NAV2: variants seen among roughly 807,000 people sequenced by gnomAD.
NAV2 encodes helicase, APC down-regulated 1.
Under a neutral mutation model 223.2 loss-of-function variants are expected in NAV2, and 54 were observed. The observed-to-expected ratio is 0.24, with a 90% CI of 0.19 to 0.30. The LOEUF (loss-of-function observed/expected upper bound fraction) is 0.30. NAV2 is among the 10% of genes least tolerant of loss of function. NAV2 has a pLI of 1.00. For missense variants in NAV2, 2,806 were observed against 3,147.5 expected, an observed-to-expected ratio of 0.89 and a Z score of 2.60; for synonymous variants, 1,279 against 1,239.3, an observed-to-expected ratio of 1.03 and a Z score of -0.67.
chr11:19,398,805 G>A (rs1849568689), intron 1 of NAV2, among the ~76,000 whole-genome samples: 1 of 152,186 alleles, frequency 6.6e-6, no homozygotes, highest in African/African-American at 2.4e-5. Context: ...GGGGATCCGG[G>A]CCCCTCCTTC....
At chr11:19,782,855 A>G (rs1337361197) in intron 1 of NAV2, among the ~76,000 whole-genome samples, 2 of 152,226 alleles carry the variant, frequency 1.3e-5, no homozygotes, top group Non-Finnish European at 2.9e-5. Flanking sequence ...TTGTTTAAAC[A>G]GGGTAACAAG....
In NAV2 at chr11:19,658,952, G is replaced by A. The variant is rs566380973; in HGVS notation, c.76-173532G>A. Among the ~76,000 whole-genome samples the A allele has an allele frequency of 4.2e-4, 64 of 152,282 alleles. 1 individual carries two copies. The South Asian group carries it at 0.013, about 30-fold the overall frequency. On this transcript the variant is annotated intron_variant, in intron 1 of 37. Coordinates refer to the NAV2 transcript ENST00000360655. ...TCTCTCCACTAGTCCTGGGGAAAAC[G>A]AAATCAGCAAAACATTCGACAAACA...
chr11:19,583,955 C>A (rs889776554), intron 1 of NAV2, among the ~76,000 whole-genome samples: 1 of 152,210 alleles, frequency 6.6e-6, no homozygotes, highest in Admixed American at 6.5e-5. Flanking sequence ...AGAAATGGTA[C>A]CAGCTCCTCC....
intron 1 of NAV2, among the ~76,000 whole-genome samples, chr11:19,697,147 G>C (rs1420613378): frequency 1.3e-5 from 2 of 152,132 alleles, no homozygotes; most frequent in African/African-American, 4.8e-5. Flanking sequence ...TGGAGCTGGA[G>C]GTCATTATCC....
At chr11:20,052,878 A>G (rs1167875792) in intron 17 of NAV2, among the ~76,000 whole-genome samples, 1 of 152,122 alleles carries the variant, frequency 6.6e-6, no homozygotes, top group Non-Finnish European at 1.5e-5. Flanking sequence ...TAGTCACTCC[A>G]TAATATATAA....
At chr11:19,416,923 T>C (rs1850395471) in intron 1 of NAV2, among the ~76,000 whole-genome samples, 1 of 152,226 alleles carries the variant, frequency 6.6e-6, no homozygotes, top group Non-Finnish European at 1.5e-5. Flanking sequence ...ACCGCTTCCT[T>C]ACACCTTATA....
chr11:19,362,781 T>C (rs1854032971), intron 1 of NAV2, among the ~76,000 whole-genome samples: 1 of 152,214 alleles, frequency 6.6e-6, no homozygotes. Flanking sequence ...AGTATTATTA[T>C]CATTTAGAGC....
chr11:19,491,955 AAGAG>A lies in NAV2; in HGVS notation c.75+140956_75+140959del, dbSNP rs150403869. Among the ~76,000 whole-genome samples the A allele has an allele frequency of 4.8e-3, 576 of 120,902 alleles. 3 individuals carry two copies. Among genetic ancestry groups the A allele is most frequent in the Middle Eastern group, 0.033 (7 of 214 alleles). 79.3% of individuals were successfully genotyped at this position (120,902 alleles called of 152,430 possible). A position where few individuals can be genotyped will look rare whatever the true frequency, so the allele number is the denominator to read the frequency against. On this transcript the variant is annotated intron_variant, in intron 1 of 37. Coordinates refer to the NAV2 transcript ENST00000360655. ...GTGTCTCAGGGAATAGGGAGACTCA[AAGAG>A]AGAGAGAGAGAGAGAGAGAGAGAGA...
chr11:19,746,746 GT>G (rs2053388844), intron 1 of NAV2, among the ~76,000 whole-genome samples: 1 of 151,692 alleles, frequency 6.6e-6, no homozygotes, highest in Non-Finnish European at 1.5e-5. Flanking sequence ...CCCATCCACA[GT>G]GTTAATAAGA....
At chr11:19,916,737 G>A (rs2043841379) in intron 6 of NAV2, among the ~76,000 whole-genome samples, 1 of 152,218 alleles carries the variant, frequency 6.6e-6, no homozygotes, top group Non-Finnish European at 1.5e-5. Context: ...AGGGCCATGG[G>A]GTCTCTGGTG....
At chr11:19,568,073 C>T (rs567263589) in intron 1 of NAV2, among the ~76,000 whole-genome samples, 6 of 152,302 alleles carry the variant, frequency 3.9e-5, no homozygotes, top group African/African-American at 9.6e-5. Flanking sequence ...AGTAGGTGCT[C>T]GGTAAATGTT....
chr11:19,914,734 C>T (rs996912489), intron 6 of NAV2, among the ~76,000 whole-genome samples: 1 of 151,274 alleles, frequency 6.6e-6, no homozygotes, highest in Non-Finnish European at 1.5e-5. Context: ...TTAGTAGAGA[C>T]GGGGTTTCAC....
intron 1 of NAV2, among the ~76,000 whole-genome samples, chr11:19,677,160 G>A (rs558444002): frequency 6.3e-4 from 96 of 152,372 alleles, no homozygotes; most frequent in Non-Finnish European, 7.6e-4. Context: ...ACCCCAGCCT[G>A]TACTGCCACT....
chr11:19,984,284 G>A (rs1238262777), intron 11 of NAV2, 37 bp downstream of exon 11: 1 of 1,608,498 alleles, frequency 6.2e-7, no homozygotes, highest in South Asian at 1.1e-5. Context: ...CAGATGCAGA[G>A]GTGATCCCAG....
At chr11:19,591,946 T>C (rs2046074563) in intron 1 of NAV2, among the ~76,000 whole-genome samples, 2 of 152,204 alleles carry the variant, frequency 1.3e-5, no homozygotes, top group African/African-American at 2.4e-5. Context: ...AGGCAGGCTA[T>C]GGAGGCCACA....
intron 37 of NAV2, among the ~76,000 whole-genome samples, chr11:20,115,208 A>T (rs981206774): frequency 1.3e-5 from 2 of 152,084 alleles, no homozygotes; most frequent in Non-Finnish European, 2.9e-5. Context: ...AAACAGGGAG[A>T]GGTCTGAGGG....
intron 1 of NAV2, among the ~76,000 whole-genome samples, chr11:19,624,557 G>T (rs2047106241): frequency 6.6e-6 from 1 of 152,224 alleles, no homozygotes; most frequent in Non-Finnish European, 1.5e-5. Context: ...TCTGAGCCAG[G>T]AGTGGGATAT....
At position 19,598,108 on chromosome 11, in the gene NAV2, G is replaced by T. The variant is rs148689471; in HGVS notation, c.76-234376G>T. 4.6e-5 allele frequency among the ~76,000 whole-genome samples: 7 copies of T among 152,382 alleles called. No individual in the cohort carries two copies. In the South Asian group the frequency reaches 6.2e-4, roughly 14 times the overall value. ...AGGCAGATGCCGCCGCCCCCTGACA[G>T]TGACAGGCACAGCCAGATGGAAGAG... On this transcript the variant is annotated intron_variant, in intron 1 of 37. Coordinates refer to the NAV2 transcript ENST00000360655.
At chr11:19,616,270 A>T (rs1315158121) in intron 1 of NAV2, among the ~76,000 whole-genome samples, 1 of 150,802 alleles carries the variant, frequency 6.6e-6, no homozygotes, top group Non-Finnish European at 1.5e-5. Flanking sequence ...ACCTCTCATT[A>T]TCAGTGTTCA....
Sources: allele counts gnomAD v4.1 joint callset (sites outside exome capture counted in the v4.1 genomes callset), GRCh38; gene constraint gnomAD v4.1.1; transcripts MANE v1.5; gene names NCBI Gene and HGNC (gene_info 2026-07-23, HGNC 2026-07-21).